The following CELSR1 variants were observed in gnomAD, a reference collection of about 807,000 sequenced individuals.
CELSR1 encodes the protein cadherin EGF LAG seven-pass G-type receptor 1, also known as adhesion G protein-coupled receptor C1.
Under a neutral mutation model 249.1 loss-of-function variants are expected in CELSR1, and 110 were observed. The ratio of observed to expected loss-of-function variants is 0.44; its 90% CI spans 0.38 to 0.52. The LOEUF is 0.52. CELSR1 is among the 20% of genes least tolerant of loss of function. The pLI, the probability that CELSR1 is intolerant of heterozygous loss-of-function variation, is 0.00. For synonymous variants in CELSR1, 2,113 were observed against 1,900.0 expected, an observed-to-expected ratio of 1.11 and a Z score of -2.92; for missense variants, 4,109 against 4,296.4, an observed-to-expected ratio of 0.96 and a Z score of 1.22.
At chr22:46,456,329 A>T (rs2079948748) in intron 2 of CELSR1, among the ~76,000 whole-genome samples, 1 of 152,228 alleles carries the variant, frequency 6.6e-6, no homozygotes, top group South Asian at 2.1e-4. Context: ...GCGTCAGCAG[A>T]TCACATGAAG....
At chr22:46,508,600 C>A (rs1813391805) in intron 1 of CELSR1, among the ~76,000 whole-genome samples, 1 of 152,234 alleles carries the variant, frequency 6.6e-6, no homozygotes, top group Admixed American at 6.5e-5. Context: ...TGGCCTCCCA[C>A]CCCCTCACCG....
chr22:46,368,970 TCCAGCCCCCTCCCCTCAGCTAACCTCCC>T (rs917172258), intron 27 of CELSR1, among the ~76,000 whole-genome samples, 181 bp downstream of exon 27: 12 of 148,972 alleles, frequency 8.1e-5, no homozygotes, highest in African/African-American at 1.8e-4. Context: ...GCTAACCTCC[TCCAGCCCCCTCCCCTCAGCTAACCTCCC>T]CCAGCCCCTG....
intron 1 of CELSR1, among the ~76,000 whole-genome samples, chr22:46,511,694 C>T (rs548082777): frequency 9.2e-5 from 14 of 152,256 alleles, no homozygotes; most frequent in Non-Finnish European, 1.6e-4. Context: ...CATCACGGGA[C>T]ACCCCAGGGG....
intron 23 of CELSR1, among the ~76,000 whole-genome samples, chr22:46,378,051 G>C (rs1207609661): frequency 9.0e-6 from 1 of 110,986 alleles, no homozygotes; most frequent in African/African-American, 3.6e-5. Flanking sequence ...CAGCGCTCGG[G>C]CCATTCCCCA....
Position 46,390,339 on chromosome 22 carries a change from T to C in CELSR1, c.6345+53A>G. ...CGGCCCACACAAACTCTCTCACGCA[T>C]ACACGAACACACACGTGCCCCTGCT... On this transcript the variant is annotated intron_variant, in intron 17 of 34. Transcript: ENST00000674500. This position sits in a 1 kb window ranked among gnomAD's most constrained non-coding sequence, Gnocchi z 6.3. 1.4e-6 allele frequency: 2 copies of C among 1,421,698 alleles called. No homozygotes were observed. Among genetic ancestry groups the C allele is most frequent in the Non-Finnish European group, 2.0e-6 (2 of 1,025,520 alleles). 88.1% of individuals were successfully genotyped at this position (1,421,698 alleles called of 1,614,324 possible).
At chr22:46,379,133 G>A (rs531254579) in intron 22 of CELSR1, among the ~76,000 whole-genome samples, 2 of 152,290 alleles carry the variant, frequency 1.3e-5, no homozygotes, top group South Asian at 2.1e-4. Flanking sequence ...GCTGCGATGC[G>A]GTCCCGTCTC....
At position 46,362,889 on chromosome 22, in the gene CELSR1, G is replaced by A. The variant is rs1362219221; in HGVS notation, c.*334C>T. 2.2e-6 allele frequency: 1 copy of A among 464,738 alleles called. No individual in the cohort carries two copies. The highest frequency in any genetic ancestry group is 3.4e-5 in the Admixed American group (1 of 29,228). The allele number at this position is 464,738 out of a possible 1,614,324, so 28.8% of individuals were successfully genotyped here. On this transcript the variant is annotated 3_prime_UTR_variant, in exon 35 of 35. Coordinates refer to ENST00000674500, the MANE Select transcript of CELSR1 (RefSeq NM_001378328.1). Reference sequence around the variant, plus strand: ...GAACTCTGGCCAGCCTCTGGGCCCAGTCTGGGGTCCCCTCTCAGTTCTGGC... The same window carrying A: ...GAACTCTGGCCAGCCTCTGGGCCCAATCTGGGGTCCCCTCTCAGTTCTGGC...
chr22:46,420,590 C>T (rs1295166062), intron 5 of CELSR1, among the ~76,000 whole-genome samples: 1 of 152,180 alleles, frequency 6.6e-6, no homozygotes, highest in African/African-American at 2.4e-5. Flanking sequence ...CACCCATACT[C>T]GTGCTCATGC....
In CELSR1 at chr22:46,464,673, A is replaced by G. The variant is rs1484966436; in HGVS notation, c.3545-328T>C. ...AGGTGCTCAGCAGGGCACCCTGACG[A>G]CCACCAGGATTCAGCCCCTCACTGC... On this transcript the variant is annotated intron_variant, in intron 1 of 34. Transcript: ENST00000674500. The surrounding 1 kb of genome is among the most constrained non-coding windows in gnomAD (Gnocchi z 8.5). Among the ~76,000 whole-genome samples the G allele has an allele frequency of 2.0e-5, 3 of 152,004 alleles. No individual in the cohort carries two copies. The highest frequency in any genetic ancestry group is 2.0e-4 in the Admixed American group (3 of 15,262).
intron 2 of CELSR1, among the ~76,000 whole-genome samples, chr22:46,461,781 G>A (rs2080030943): frequency 2.0e-5 from 3 of 152,238 alleles, no homozygotes; most frequent in South Asian, 2.1e-4. Flanking sequence ...AGGGACCCGC[G>A]GCCACGGCTT....
chr22:46,439,826 A>G (rs2079721814), intron 2 of CELSR1, among the ~76,000 whole-genome samples: 1 of 152,126 alleles, frequency 6.6e-6, no homozygotes, highest in African/African-American at 2.4e-5. Flanking sequence ...CCCGTGCCAC[A>G]GCAGAACACA....
rs117728941 is a variant in CELSR1, at chr22:46,472,067, C to T, written c.3545-7722G>A. ...GGCATTCCTCCCAGGCCTGGAGCGG[C>T]TCCGCGGCACCTCAAAAGCGATCAA... On this transcript the variant is annotated intron_variant, in intron 1 of 34. Transcript: ENST00000674500. The surrounding 1 kb of genome is among the most constrained non-coding windows in gnomAD (Gnocchi z 7.0). 2.0e-4 allele frequency among the ~76,000 whole-genome samples: 31 copies of T among 152,282 alleles called. 2 individuals carry two copies. The East Asian group carries it at 5.6e-3, about 28-fold the overall frequency.
intron 19 of CELSR1, among the ~76,000 whole-genome samples, chr22:46,385,910 C>G (rs1018255826): frequency 1.3e-4 from 19 of 151,346 alleles, no homozygotes; most frequent in African/African-American, 3.9e-4. Flanking sequence ...ATCTCCTGAC[C>G]CTGTGATCCG....
In CELSR1 at chr22:46,428,675, G is replaced by A. The variant is rs1321621320; in HGVS notation, c.4611+4718C>T. Reference sequence around the variant, plus strand: ...AATGAAGGGTCATCGTCCCCAAGGGGCGGCAGTGCCCAGGTGGGAAATCCT... The same window carrying A: ...AATGAAGGGTCATCGTCCCCAAGGGACGGCAGTGCCCAGGTGGGAAATCCT... On this transcript the variant is annotated intron_variant, in intron 5 of 34. Transcript: ENST00000674500. This position sits in a 1 kb window ranked among gnomAD's most constrained non-coding sequence, Gnocchi z 5.7. Among the ~76,000 whole-genome samples the A allele has an allele frequency of 6.6e-6, 1 of 152,250 alleles. No homozygotes were observed. The highest frequency in any genetic ancestry group is 1.5e-5 in the Non-Finnish European group (1 of 68,046).
chr22:46,450,324 C>T (rs1341372210), intron 2 of CELSR1, among the ~76,000 whole-genome samples: 2 of 152,258 alleles, frequency 1.3e-5, no homozygotes, highest in Admixed American at 6.5e-5. Context: ...GGCAGGCTGA[C>T]ATAGAGATGG....
chr22:46,423,243 G>A lies in CELSR1; in HGVS notation c.4611+10150C>T, dbSNP rs1243482372. Among the ~76,000 whole-genome samples, 2 of 152,242 alleles carry A rather than the reference G, an allele frequency of 1.3e-5. No homozygotes were observed. Among genetic ancestry groups the A allele is most frequent in the African/African-American group, 4.8e-5 (2 of 41,466 alleles). On this transcript the variant is annotated intron_variant, in intron 5 of 34. Coordinates refer to ENST00000674500, the MANE Select transcript of CELSR1 (RefSeq NM_001378328.1). The surrounding 1 kb of genome is among the most constrained non-coding windows in gnomAD (Gnocchi z 5.6). ...ATGAGTGAGGCCTTCACACAGCCCT[G>A]GCTGAATCGCATAGACCAGAAGAAC...
intron 24 of CELSR1, 25 bp downstream of exon 24, chr22:46,377,036 G>A: frequency 1.9e-6 from 3 of 1,609,372 alleles, no homozygotes; most frequent in South Asian, 2.2e-5. Flanking sequence ...CCCAGACAGT[G>A]GGGAGGGGAG....
chr22:46,535,617 C>T lies in CELSR1; in HGVS notation c.1554G>A (p.Val518=), dbSNP rs749553635. ...CATCCTCGAAATCCAAGGGGTTGAT[C>T]ACATCCAGGATCCCGCTCAGCGAGT... The part of the protein sequence containing the change: ...YLHSLSGILD[V]INPLDFEDVQ... The change falls in exon 1 of 35, where the codon GTG becomes GTA. Residue 518 remains valine (V), a synonymous_variant. Transcript: ENST00000674500. 9 of 1,613,344 alleles carry T rather than the reference C, an allele frequency of 5.6e-6. 1 individual carries two copies. The Admixed American group carries it at 1.5e-4, about 27-fold the overall frequency.
chr22:46,367,738 G>T lies in CELSR1; in HGVS notation c.8070C>A (p.Ser2690Arg). Residue 2690 changes from serine to arginine, a missense_variant, in exon 28 of 35, where the codon AGC (serine) becomes AGA (arginine). This residue lies in a region of CELSR1 where 1,805 missense variants were observed against 1,831.6 expected (regional missense o/e 0.99). Transcript: ENST00000674500. The stretch of plus-strand genomic sequence containing the variant: ...CTCGGCCGTCACCTACCTGTAAGCC[G>T]CTGAAGATGGCGAAGAGGTAGTGAA... ...LSFHYLFAIFSGLQGPFVLLF... is the reference protein window; with the variant it reads ...LSFHYLFAIFRGLQGPFVLLF... 1 of 1,599,904 alleles carries T rather than the reference G, an allele frequency of 6.3e-7. No individual in the cohort carries two copies. The highest frequency in any genetic ancestry group is 8.5e-7 in the Non-Finnish European group (1 of 1,174,602).
Sources: allele counts gnomAD v4.1 joint callset (sites outside exome capture counted in the v4.1 genomes callset), GRCh38; gene constraint gnomAD v4.1.1; regional missense constraint gnomAD v4.1.1; non-coding constraint Gnocchi (gnomAD v3.1); transcripts MANE v1.5; gene names NCBI Gene and HGNC (gene_info 2026-07-23, HGNC 2026-07-21).